Variants in DOCK6 observed in about 807,000 individuals in gnomAD.
DOCK6 encodes the protein dedicator of cytokinesis protein 6.
In DOCK6, 167 loss-of-function variants were observed where a neutral mutation model predicts 230.3. The observed-to-expected ratio is 0.73, with a 90% CI of 0.64 to 0.82. DOCK6 has a LOEUF of 0.82. Among genes scored for constraint, DOCK6 ranks in the 40% least tolerant of loss-of-function variants. The pLI, the probability that DOCK6 is intolerant of heterozygous loss-of-function variation, is 0.00. For synonymous variants in DOCK6, 1,148 were observed against 1,185.0 expected (o/e 0.97, Z 0.64); for missense variants, 2,598 against 2,825.8 (o/e 0.92, Z 1.83).
chr19:11,260,882 C>CAAAAAA lies in DOCK6; in HGVS notation c.44+1509_44+1514dup, dbSNP rs59900669. Among the ~76,000 whole-genome samples, 105 of 61,756 alleles carry CAAAAAA rather than the reference C, an allele frequency of 1.7e-3. 6 individuals are homozygous for CAAAAAA. Among genetic ancestry groups the CAAAAAA allele is most frequent in the East Asian group, 6.5e-3 (9 of 1,394 alleles). The allele number at this position is 61,756 out of a possible 152,430, so 40.5% of individuals were successfully genotyped here. A position where few individuals can be genotyped will look rare whatever the true frequency, so the allele number is the denominator to read the frequency against. ...TGGGTGACAGAGCGAGACTCTGTCTCAAAAAAAAAAAAAGAAAGAAAGAAA... is the reference window on the plus strand; with the variant it reads ...TGGGTGACAGAGCGAGACTCTGTCTCAAAAAAAAAAAAAAAAAAAGAAAGAAAGAAA... On this transcript the variant is annotated intron_variant, in intron 1 of 47. Transcript: ENST00000294618.
chr19:11,224,358 G>A (rs191205095), intron 24 of DOCK6, among the ~76,000 whole-genome samples: 46 of 151,632 alleles, frequency 3.0e-4, no homozygotes, highest in South Asian at 2.1e-4. Flanking sequence ...TTACAGGTGC[G>A]CACCACCACA....
rs2079129725 is a variant in DOCK6 at position 11,199,453 on chromosome 19, C to T, written c.*44G>A. Reference sequence around the variant, plus strand: ...CCCCTCGCAGCACAGACAGCTGAGGCCCGGGTGCTGGTTCCTCTAGGTACA... The same window carrying T: ...CCCCTCGCAGCACAGACAGCTGAGGTCCGGGTGCTGGTTCCTCTAGGTACA... On this transcript the variant is annotated 3_prime_UTR_variant, in exon 48 of 48. Coordinates refer to ENST00000294618, the MANE Select transcript of DOCK6 (RefSeq NM_020812.4). 7.7e-6 allele frequency: 12 copies of T among 1,557,340 alleles called. No individual in the cohort carries two copies. In the South Asian group the frequency reaches 1.4e-4, roughly 18 times the overall value.
chr19:11,239,643 AGTGCCTGCTCT>A (rs746415379), intron 14 of DOCK6: 24 of 1,613,674 alleles, frequency 1.5e-5, no homozygotes, highest in East Asian at 2.2e-5. Flanking sequence ...CAGTCATGCC[AGTGCCTGCTCT>A]GTGCCTGCTC....
intron 14 of DOCK6, among the ~76,000 whole-genome samples, chr19:11,241,060 C>G (rs1055489662): frequency 6.6e-6 from 1 of 151,930 alleles, no homozygotes; most frequent in Non-Finnish European, 1.5e-5. Flanking sequence ...CCCTGGCCAA[C>G]ATGGTGAAAC....
rs768741329 is a variant in DOCK6 at position 11,216,968 on chromosome 19, C to CT, written c.3839dup (p.Leu1281AlafsTer16). ...ACAGCAAATCCAACAGACGTCCCAG[C>CT]TGGGGGAGTGTCAGGTCAGTGGCCC... On this transcript the variant is annotated frameshift_variant, in exon 30 of 48. Transcript: ENST00000294618. LOFTEE classifies it high-confidence loss of function. 1 of 1,613,780 alleles carries CT rather than the reference C, an allele frequency of 6.2e-7. No individual in the cohort carries two copies. The highest frequency in any genetic ancestry group is 8.5e-7 in the Non-Finnish European group (1 of 1,179,902).
Position 11,236,289 on chromosome 19 carries a change from C to G in DOCK6, c.2392+57G>C. On this transcript the variant is annotated intron_variant, in intron 20 of 47. Transcript: ENST00000294618. The surrounding 1 kb of genome is among the most constrained non-coding windows in gnomAD (Gnocchi z 5.2). ...GCTTATAGAAGATCCCTCAGGACCT[C>G]AGGACTGAGAAGCCATGTGGATGGG... The G allele has an allele frequency of 6.8e-7, 1 of 1,468,888 alleles. No homozygotes were observed. Among genetic ancestry groups the G allele is most frequent in the African/African-American group, 1.4e-5 (1 of 71,562 alleles). 91.0% of individuals were successfully genotyped at this position (1,468,888 alleles called of 1,614,324 possible).
At chr19:11,233,528 G>T (rs1041976905) in intron 21 of DOCK6, among the ~76,000 whole-genome samples, 162 bp from the exon 22 acceptor site, 1 of 152,064 alleles carries the variant, frequency 6.6e-6, no homozygotes, top group African/African-American at 2.4e-5. Flanking sequence ...CAGAGATTGG[G>T]GGGGCACTGA....
chr19:11,253,740 G>A lies in DOCK6; in HGVS notation c.45-14C>T. ...GCGGCCACCGTCCTGGAAAGATAGG[G>A]AGGGGGCCATTGGGGACGGGAAAAC... is the stretch of plus-strand genomic sequence containing the variant. On this transcript the variant is annotated splice_polypyrimidine_tract_variant and intron_variant, in intron 1 of 47. Transcript: ENST00000294618. 1 of 1,469,890 alleles carries A rather than the reference G, an allele frequency of 6.8e-7. No homozygotes were observed. The highest frequency in any genetic ancestry group is 9.0e-7 in the Non-Finnish European group (1 of 1,114,976). 91.1% of individuals were successfully genotyped at this position (1,469,890 alleles called of 1,614,324 possible).
At position 11,235,639 on chromosome 19, in the gene DOCK6, T is replaced by C; in HGVS notation, c.2513A>G (p.Tyr838Cys). The part of the protein sequence containing the change: ...HCPQLAAYVH[Y>C]AFRLPGTEPS... ...CTCAGTGCCAGGAAGGCGAAAGGCG[T>C]AGTGGACGTAGGCAGCCAGCTGTGG... The change falls in exon 21 of 48, where the codon TAC (tyrosine) becomes TGC (cysteine). Residue 838 changes from tyrosine (Y) to cysteine (C), a missense_variant. Transcript: ENST00000294618. 6.2e-7 allele frequency: 1 copy of C among 1,603,518 alleles called. No homozygotes were observed. The highest frequency in any genetic ancestry group is 8.5e-7 in the Non-Finnish European group (1 of 1,175,274).
chr19:11,246,873 C>T (rs1291640349), intron 7 of DOCK6, among the ~76,000 whole-genome samples: 1 of 152,128 alleles, frequency 6.6e-6, no homozygotes, highest in African/African-American at 2.4e-5. Context: ...AAACACTGAG[C>T]ACTCCCCGTT....
intron 22 of DOCK6, among the ~76,000 whole-genome samples, chr19:11,232,464 T>C (rs1166617121): frequency 1.3e-5 from 2 of 152,104 alleles, no homozygotes; most frequent in African/African-American, 2.4e-5. Context: ...TTTACATAAC[T>C]TGTGTATGTG....
At position 11,227,478 on chromosome 19, in the gene DOCK6, C is replaced by A; in HGVS notation, c.2815-1G>T. The A allele has an allele frequency of 6.4e-7, 1 of 1,555,226 alleles. No homozygotes were observed. Among genetic ancestry groups the A allele is most frequent in the Non-Finnish European group, 8.7e-7 (1 of 1,150,016 alleles). On this transcript the variant is annotated splice_acceptor_variant, in intron 23 of 47. Coordinates refer to ENST00000294618, the MANE Select transcript of DOCK6 (RefSeq NM_020812.4). LOFTEE classifies it high-confidence loss of function. ...GCAGGTGCAGCGCCATACTCTTCAC[C>A]TGGGGGTGGGGTGAGAGGGCTGTGG... is the stretch of plus-strand genomic sequence containing the variant.
Position 11,217,381 on chromosome 19 carries a change from A to G in DOCK6, c.3561T>C (p.Gly1187=). 1.9e-6 allele frequency: 3 copies of G among 1,613,066 alleles called. No individual in the cohort carries two copies. The highest frequency in any genetic ancestry group is 2.5e-6 in the Non-Finnish European group (3 of 1,179,590). The stretch of plus-strand genomic sequence containing the variant: ...GCATTGAGGCCAGTCTTGACCGCTG[A>G]CCTGGGCCCTCTGGCAGGGAAAGAC... The part of the protein sequence containing the change: ...PRLHDFAEGP[G]QRSRLASMLD... The change falls in exon 29 of 48, where the codon GGT becomes GGC. Residue 1187 remains glycine (G), a synonymous_variant. Transcript: ENST00000294618.
Position 11,202,542 on chromosome 19 carries a change from G to A in DOCK6, c.5361+42C>T, listed in dbSNP as rs774559105. The A allele has an allele frequency of 2.5e-6, 4 of 1,613,776 alleles. No homozygotes were observed. The highest frequency in any genetic ancestry group is 2.2e-5 in the East Asian group (1 of 44,874). ...GGACAGCCCCTACTCCAGCCCCAAG[G>A]CAGCCCCATGCCCCGTTCCACCCCC... On this transcript the variant is annotated intron_variant, in intron 42 of 47. Transcript: ENST00000294618. The surrounding 1 kb of genome is among the most constrained non-coding windows in gnomAD (Gnocchi z 5.3).
chr19:11,202,182 C>T lies in DOCK6; in HGVS notation c.5452-57G>A. Reference sequence around the variant, plus strand: ...AGCCCCAGCACGCACAGCCCAAGCCCTGTTCCTGGAGAGAGGGGATCTGGG... The same window carrying T: ...AGCCCCAGCACGCACAGCCCAAGCCTTGTTCCTGGAGAGAGGGGATCTGGG... On this transcript the variant is annotated intron_variant, in intron 43 of 47. Coordinates refer to ENST00000294618, the MANE Select transcript of DOCK6 (RefSeq NM_020812.4). This position sits in a 1 kb window ranked among gnomAD's most constrained non-coding sequence, Gnocchi z 5.3. 6.4e-7 allele frequency: 1 copy of T among 1,566,282 alleles called. No homozygotes were observed. Among genetic ancestry groups the T allele is most frequent in the Non-Finnish European group, 8.8e-7 (1 of 1,140,388 alleles).
rs372044294 is a variant in DOCK6 at position 11,235,630 on chromosome 19, C to T, written c.2522G>A (p.Arg841His). 24 of 1,602,262 alleles carry T rather than the reference C, an allele frequency of 1.5e-5. No homozygotes were observed. Among genetic ancestry groups the T allele is most frequent in the Admixed American group, 6.8e-5 (4 of 58,408 alleles). The change falls in exon 21 of 48, where the codon CGC (arginine) becomes CAC (histidine). Residue 841 changes from arginine to histidine, a missense_variant. Transcript: ENST00000294618. ...QLAAYVHYAF[R>H]LPGTEPSLPD... ...GAGGCTGGGCTCAGTGCCAGGAAGGCGAAAGGCGTAGTGGACGTAGGCAGC... is the reference window on the plus strand; with the variant it reads ...GAGGCTGGGCTCAGTGCCAGGAAGGTGAAAGGCGTAGTGGACGTAGGCAGC...
chr19:11,241,555 G>A (rs1345666817), intron 14 of DOCK6: 33 of 1,553,828 alleles, frequency 2.1e-5, no homozygotes, highest in Non-Finnish European at 2.9e-5. Flanking sequence ...TCCAGGAGAG[G>A]TGAGCCTGGC....
rs1024683796 is a variant in DOCK6 at position 11,262,411 on chromosome 19, C to A, written c.30G>T (p.Ala10=). The change falls in exon 1 of 48, where the codon GCG becomes GCT. Residue 10 remains alanine (A), a synonymous_variant. Transcript: ENST00000294618. ...GGCCACACTACCTGTTGATCTTGTGCGCGAAGGCGCGGCGCTCGGAGGCAG... is the reference window on the plus strand; with the variant it reads ...GGCCACACTACCTGTTGATCTTGTGAGCGAAGGCGCGGCGCTCGGAGGCAG... MAASERRAF[A]HKINRTVAAE... is the part of the protein sequence containing the mutation. 6.3e-6 allele frequency: 8 copies of A among 1,273,244 alleles called. No individual in the cohort carries two copies. Among genetic ancestry groups the A allele is most frequent in the Non-Finnish European group, 7.9e-6 (8 of 1,008,922 alleles). 78.9% of individuals were successfully genotyped at this position (1,273,244 alleles called of 1,614,324 possible). A position where few individuals can be genotyped will look rare whatever the true frequency, so the allele number is the denominator to read the frequency against.
At position 11,236,411 on chromosome 19, in the gene DOCK6, G is replaced by A. The variant is rs1019626916; in HGVS notation, c.2327C>T (p.Ser776Phe). 1.3e-6 allele frequency: 2 copies of A among 1,588,732 alleles called. No homozygotes were observed. Among genetic ancestry groups the A allele is most frequent in the African/African-American group, 1.3e-5 (1 of 74,418 alleles). Reference sequence around the variant, plus strand: ...CACGAGCTTGTCCAGCACGTGGTGGGAGAAGGCCACAAGGGGTTCGGGGCT... The same window carrying A: ...CACGAGCTTGTCCAGCACGTGGTGGAAGAAGGCCACAAGGGGTTCGGGGCT... ...LASPEPLVAFSHHVLDKLVRL... is the reference protein window; with the variant it reads ...LASPEPLVAFFHHVLDKLVRL... Residue 776 changes from serine (S) to phenylalanine (F), a missense_variant, in exon 20 of 48, where the codon TCC (serine) becomes TTC (phenylalanine). Ser to Phe is a radical substitution (Grantham distance 155). Transcript: ENST00000294618. The surrounding 1 kb of genome is among the most constrained non-coding windows in gnomAD (Gnocchi z 5.2).
Sources: gnomAD v4.1 joint callset for allele counts (sites outside exome capture counted in the v4.1 genomes callset) on GRCh38, gnomAD v4.1.1 for gene constraint, Gnocchi (gnomAD v3.1) non-coding constraint, MANE v1.5 for transcripts, NCBI Gene and HGNC (gene_info 2026-07-23, HGNC 2026-07-21) for gene names.